Variants in STK3 observed in about 807,000 individuals in gnomAD.
STK3 encodes serine/threonine kinase 3.
A neutral mutation model predicts 58.0 loss-of-function variants in STK3; 41 were observed. That is an observed-to-expected ratio of 0.71 (90% CI 0.55 to 0.92). STK3 has a LOEUF of 0.92. Ranked by LOEUF, STK3 falls within the 40% of genes least tolerant of loss-of-function variation. The pLI, the probability that STK3 is intolerant of heterozygous loss-of-function variation, is 0.00. For missense variants in STK3, 479 were observed against 602.7 expected (o/e 0.79, Z 2.15); for synonymous variants, 170 against 191.0 (o/e 0.89, Z 0.91).
chr8:98,519,804 C>G (rs1254169010), intron 10 of STK3, among the ~76,000 whole-genome samples: 1 of 152,066 alleles, frequency 6.6e-6, no homozygotes, highest in East Asian at 1.9e-4. Context: ...ACACCACCAA[C>G]TGAATAAATA....
At chr8:98,420,189 C>A (rs1394631693) in intron 3 of STK3, among the ~76,000 whole-genome samples, 1 of 152,080 alleles carries the variant, frequency 6.6e-6, no homozygotes, top group African/African-American at 2.4e-5. Context: ...ATGGTGAAAT[C>A]TCTTGCTGTC....
the STK3 span, among the ~76,000 whole-genome samples, chr8:98,346,355 T>C: frequency 2.8e-4 from 43 of 151,566 alleles, 1 homozygote; most frequent in African/African-American, 1.0e-3. Flanking sequence ...ATAACTGTCA[T>C]TGGAGCACCA....
intron 3 of STK3, among the ~76,000 whole-genome samples, chr8:98,406,223 G>A (rs891037373): frequency 6.8e-6 from 1 of 146,964 alleles, no homozygotes; most frequent in East Asian, 2.0e-4. Flanking sequence ...TTCCCCCCAG[G>A]CATTTTATTT....
intron 1 of STK3, among the ~76,000 whole-genome samples, chr8:98,913,480 G>A (rs1839227942): frequency 6.6e-6 from 1 of 152,228 alleles, no homozygotes; most frequent in African/African-American, 2.4e-5. Flanking sequence ...TCAAAGAAGA[G>A]TCCCTGGAGA....
chr8:98,760,393 G>GC (rs1393282815), intron 3 of STK3, among the ~76,000 whole-genome samples: 3 of 152,038 alleles, frequency 2.0e-5, no homozygotes, highest in African/African-American at 7.2e-5. Flanking sequence ...TCCTGCTTTG[G>GC]CCTCCCAAAG....
chr8:98,903,522 T>C (rs752499938), intron 1 of STK3, among the ~76,000 whole-genome samples: 2 of 31,112 alleles, frequency 6.4e-5, no homozygotes, highest in South Asian at 4.0e-3. Flanking sequence ...TTCTTCTTCT[T>C]CTTCTTCTTC....
intron 1 of STK3, among the ~76,000 whole-genome samples, chr8:98,379,968 A>G (rs1249298103): frequency 1.3e-5 from 2 of 152,242 alleles, no homozygotes. Context: ...GTTTAGCCTT[A>G]ATAAAGGAGG....
intron 1 of STK3, among the ~76,000 whole-genome samples, chr8:98,922,022 CCTT>C (rs1433807046): frequency 1.3e-5 from 2 of 152,144 alleles, no homozygotes; most frequent in East Asian, 1.9e-4. Context: ...TCTCCTTTCT[CCTT>C]CTCACTACAG....
chr8:98,861,917 C>T (rs1836952284), intron 3 of STK3, among the ~76,000 whole-genome samples: 1 of 152,152 alleles, frequency 6.6e-6, no homozygotes, highest in Non-Finnish European at 1.5e-5. Context: ...TCCCAGTTTC[C>T]TCATCTGAAA....
At chr8:98,565,221 C>A (rs1405914273) in intron 8 of STK3, among the ~76,000 whole-genome samples, 1 of 152,044 alleles carries the variant, frequency 6.6e-6, no homozygotes, top group East Asian at 1.9e-4. Context: ...AGGCCCTAGC[C>A]TACAAAAATT....
At chr8:98,825,988 C>T (rs1835277062), upstream of STK3, among the ~76,000 whole-genome samples, 1 of 150,206 alleles carries the variant, frequency 6.7e-6, no homozygotes, top group African/African-American at 2.4e-5. Context: ...GCCGGTGCCG[C>T]GGCGGGTGGG....
At chr8:98,690,426 G>A (rs1460293823) in intron 6 of STK3, among the ~76,000 whole-genome samples, 1 of 141,748 alleles carries the variant, frequency 7.1e-6, no homozygotes, top group East Asian at 2.1e-4. Flanking sequence ...AGTCAAGAAT[G>A]CAATGCCATT....
chr8:98,493,461 T>C (rs1822874262), intron 10 of STK3, among the ~76,000 whole-genome samples: 1 of 152,124 alleles, frequency 6.6e-6, no homozygotes, highest in Non-Finnish European at 1.5e-5. Flanking sequence ...AAAGCAACAT[T>C]GATCTCCTTA....
At position 98,614,201 on chromosome 8, in the gene STK3, C is replaced by T. The variant is rs538956077; in HGVS notation, c.685-18032G>A. Among the ~76,000 whole-genome samples the T allele has an allele frequency of 1.2e-4, 18 of 152,090 alleles. No individual in the cohort carries two copies. The South Asian group carries it at 3.7e-3, about 32-fold the overall frequency. On this transcript the variant is annotated intron_variant, in intron 6 of 10. Coordinates refer to ENST00000419617, the MANE Select transcript of STK3 (RefSeq NM_006281.4). ...CCATCAACAAAATTTATAGAATACC[C>T]CACCTCAACAACAGCAGAGTACTTA...
intron 4 of STK3, among the ~76,000 whole-genome samples, chr8:98,711,914 C>A (rs1826488420): frequency 6.6e-6 from 1 of 152,140 alleles, no homozygotes; most frequent in Non-Finnish European, 1.5e-5. Flanking sequence ...AAGGGAAGCC[C>A]ATCAGACTGA....
At chr8:98,893,460 A>AAG (rs1393027961) in intron 1 of STK3, among the ~76,000 whole-genome samples, 1 of 107,844 alleles carries the variant, frequency 9.3e-6, no homozygotes, top group African/African-American at 4.1e-5. Flanking sequence ...GAAAGAAAGA[A>AAG]AGAAAGAAAG....
intron 9 of STK3, among the ~76,000 whole-genome samples, chr8:98,537,289 A>T (rs1809844361): frequency 1.3e-5 from 2 of 152,226 alleles, no homozygotes; most frequent in Non-Finnish European, 2.9e-5. Flanking sequence ...ACAAAAAAAG[A>T]TTAAAAAACA....
intron 6 of STK3, among the ~76,000 whole-genome samples, chr8:98,662,622 C>T (rs1822044989): frequency 1.3e-5 from 2 of 151,198 alleles, no homozygotes; most frequent in South Asian, 2.1e-4. Flanking sequence ...TTTGAAACCA[C>T]AAAATTTCCA....
chr8:98,574,011 T>C (rs543021796), intron 8 of STK3, among the ~76,000 whole-genome samples: 2 of 152,196 alleles, frequency 1.3e-5, no homozygotes, highest in African/African-American at 4.8e-5. Context: ...TGTGAGTAAC[T>C]GCCCCCATGA....
Sources: gnomAD v4.1 joint callset for allele counts (sites outside exome capture counted in the v4.1 genomes callset) on GRCh38, gnomAD v4.1.1 for gene constraint, MANE v1.5 for transcripts, NCBI Gene and HGNC (gene_info 2026-07-23, HGNC 2026-07-21) for gene names.